CIAO2B: variants seen among roughly 807,000 people sequenced by gnomAD.
CIAO2B encodes cytosolic iron-sulfur assembly component 2B, also known as MSS19-interacting protein of 18 kDa.
In CIAO2B, 20 loss-of-function variants were observed where a neutral mutation model predicts 16.4. The ratio of observed to expected loss-of-function variants is 1.22; its 90% CI spans 0.86 to 1.77. CIAO2B has a LOEUF of 1.77. CIAO2B is among the 40% of genes most tolerant of loss of function. The pLI is 0.00. For synonymous variants in CIAO2B, 106 were observed against 90.4 expected (o/e 1.17, Z -0.98); for missense variants, 215 against 222.4 (o/e 0.97, Z 0.21).
Position 66,933,716 on chromosome 16 carries a change from C to G in CIAO2B, c.246G>C (p.Val82=). Residue 82 remains valine (V), a synonymous_variant, in exon 3 of 5, where the codon GTG becomes GTC. Transcript: ENST00000422424. ...RVQVSDPEST[V]AVAFTPTIPH... ...GAATGGTTGGTGTGAAAGCCACAGC[C>G]ACTGTACTCTCGGGGTCGCTAACCT... The G allele has an allele frequency of 6.4e-7, 1 of 1,572,930 alleles. No individual in the cohort carries two copies. The highest frequency in any genetic ancestry group is 8.6e-7 in the Non-Finnish European group (1 of 1,158,972).
intron 4 of CIAO2B, 132 bp from the exon 5 acceptor site, chr16:66,932,432 T>C: frequency 1.3e-6 from 1 of 769,530 alleles, no homozygotes; most frequent in Non-Finnish European, 2.3e-6. Flanking sequence ...GTCACCTCCT[T>C]CCCAGGACCC....
In CIAO2B at chr16:66,934,317, G is replaced by A. The variant is rs759405706; in HGVS notation, c.48C>T (p.Asn16=). The A allele has an allele frequency of 3.1e-6, 5 of 1,602,872 alleles. 1 individual carries two copies. The highest frequency in any genetic ancestry group is 4.5e-5 in the East Asian group (2 of 44,670). Residue 16 remains asparagine, a synonymous_variant, in exon 1 of 5, where the codon AAC becomes AAT. Coordinates refer to ENST00000422424, the MANE Select transcript of CIAO2B (RefSeq NM_016062.4). This position sits in a 1 kb window ranked among gnomAD's most constrained non-coding sequence, Gnocchi z 4.1. ...CCCCAGAGCGCTGGTAGATGAGGGGGTTGGCATTCTCCAGGAGGCCGCCGC... is the reference window on the plus strand; with the variant it reads ...CCCCAGAGCGCTGGTAGATGAGGGGATTGGCATTCTCCAGGAGGCCGCCGC... ...GVGGGLLENA[N]PLIYQRSGER... is the part of the protein sequence containing the mutation.
Position 66,932,094 on chromosome 16 carries a change from C to A in CIAO2B, c.*109G>T. On this transcript the variant is annotated 3_prime_UTR_variant, in exon 5 of 5. Transcript: ENST00000422424. ...TATAAATTAACTTTATTACAAAAAG[C>A]AAAATGTTAGTTTCTCATTGTGAGT... is the stretch of plus-strand genomic sequence containing the variant. 1.3e-6 allele frequency: 1 copy of A among 763,266 alleles called. No homozygotes were observed. The allele number at this position is 763,266 out of a possible 1,614,324, so 47.3% of individuals were successfully genotyped here.
Position 66,934,235 on chromosome 16 carries a change from G to A in CIAO2B, c.130C>T (p.Arg44Cys), listed in dbSNP as rs1389617944. 2.5e-6 allele frequency: 4 copies of A among 1,609,818 alleles called. No individual in the cohort carries two copies. In the South Asian group the frequency reaches 4.4e-5, roughly 18 times the overall value. The change falls in exon 1 of 5, where the codon CGC becomes TGC. Residue 44 changes from arginine (R) to cysteine (C), a missense_variant. Arg to Cys is a radical substitution (Grantham distance 180, BLOSUM62 -3). Transcript: ENST00000422424. The surrounding 1 kb of genome is among the most constrained non-coding windows in gnomAD (Gnocchi z 4.1). ...DEQVPDSIDA[R>C]EIFDLIRSIN... is the part of the protein sequence containing the mutation. ...CAGCGGCGGATATCGAAGATCTCGC[G>A]TGCGTCGATGCTGTCGGGAACCTGC...
In CIAO2B at chr16:66,934,377, A is replaced by G. The variant is rs1193175335; in HGVS notation, c.-13T>C. 1.1e-5 allele frequency: 17 copies of G among 1,530,318 alleles called. No homozygotes were observed. Among genetic ancestry groups the G allele is most frequent in the Admixed American group, 4.1e-5 (2 of 48,858 alleles). 94.8% of individuals were successfully genotyped at this position (1,530,318 alleles called of 1,614,324 possible). On this transcript the variant is annotated 5_prime_UTR_variant, in exon 1 of 5. Coordinates refer to ENST00000422424, the MANE Select transcript of CIAO2B (RefSeq NM_016062.4). The surrounding 1 kb of genome is among the most constrained non-coding windows in gnomAD (Gnocchi z 4.1). ...CGCCGCCTACCATCGCGGAACCACC[A>G]CCGCTGATCCTAGCAGGCGTGCGCT...
intron 3 of CIAO2B, 111 bp from the exon 4 acceptor site, chr16:66,932,936 C>T (rs1454825734): frequency 1.7e-6 from 2 of 1,193,056 alleles, no homozygotes; most frequent in South Asian, 1.4e-5. Context: ...CCTAATCATG[C>T]CTTTGGACTC....
chr16:66,933,651 T>G lies in CIAO2B; in HGVS notation c.311A>C (p.Lys104Thr). The G allele has an allele frequency of 6.2e-7, 1 of 1,608,142 alleles. No individual in the cohort carries two copies. The highest frequency in any genetic ancestry group is 8.5e-7 in the Non-Finnish European group (1 of 1,177,392). Residue 104 changes from lysine to threonine, a missense_variant, in exon 3 of 5, where the codon AAG (lysine) becomes ACG (threonine). Transcript: ENST00000422424. ...SMATLIGLSI[K>T]VKLLRSLPQR... ...AGGAAGGGAGCGCAGAAGCTTGACC[T>G]TGATGGACAGACCAATAAGGGTGGC...
At chr16:66,932,330 A>T (rs1393972133) in intron 4 of CIAO2B, 30 bp from the exon 5 acceptor site, 1 of 1,586,968 alleles carries the variant, frequency 6.3e-7, no homozygotes, top group Admixed American at 1.7e-5. Context: ...TGGGGAAGGC[A>T]GAGTCAAAGC....
At position 66,933,101 on chromosome 16, in the gene CIAO2B, T is replaced by G. The variant is rs914263375; in HGVS notation, c.349-276A>C. Among the ~76,000 whole-genome samples the G allele has an allele frequency of 2.0e-5, 3 of 151,916 alleles. No individual in the cohort carries two copies. In the East Asian group the frequency reaches 5.8e-4, roughly 29 times the overall value. ...CTCCCAGGTTCAATTTGATTCTCCTTCCTCAGCCACCCGTGTAGCTGGGAC... is the reference window on the plus strand; with the variant it reads ...CTCCCAGGTTCAATTTGATTCTCCTGCCTCAGCCACCCGTGTAGCTGGGAC... On this transcript the variant is annotated intron_variant, in intron 3 of 4. Coordinates refer to ENST00000422424, the MANE Select transcript of CIAO2B (RefSeq NM_016062.4).
chr16:66,933,265 A>C (rs1963097417), intron 3 of CIAO2B, among the ~76,000 whole-genome samples: 1 of 152,210 alleles, frequency 6.6e-6, no homozygotes, highest in Admixed American at 6.5e-5. Context: ...CTGGGATTAC[A>C]GGCGTGAGCC....
At chr16:66,932,905 C>G in intron 3 of CIAO2B, 80 bp from the exon 4 acceptor site, 2 of 1,472,122 alleles carry the variant, frequency 1.4e-6, no homozygotes, top group Non-Finnish European at 1.9e-6. Context: ...CCTCAGGCAC[C>G]ATCTCCAGCT....
Position 66,934,020 on chromosome 16 carries a change from C to T in CIAO2B, c.189G>A (p.Glu63=), listed in dbSNP as rs779975413. The part of the protein sequence containing the change: ...INDPEHPLTL[E]ELNVVEQVRV... ...GCACCTGCTCTACTACGTTCAACTC[C>T]TCTAGCGTCAGTGGATGCTCCGGGT... Residue 63 remains glutamate, a synonymous_variant, in exon 2 of 5, where the codon GAG becomes GAA. Coordinates refer to ENST00000422424, the MANE Select transcript of CIAO2B (RefSeq NM_016062.4). The surrounding 1 kb of genome is among the most constrained non-coding windows in gnomAD (Gnocchi z 4.1). 1.2e-6 allele frequency: 2 copies of T among 1,613,834 alleles called. No homozygotes were observed. Among genetic ancestry groups the T allele is most frequent in the Non-Finnish European group, 1.7e-6 (2 of 1,179,874 alleles).
chr16:66,933,444 A>C, intron 3 of CIAO2B, 170 bp downstream of exon 3: 1 of 908,282 alleles, frequency 1.1e-6, no homozygotes. Context: ...TCAGATCTTT[A>C]TTCTTGTCAC....
At chr16:66,933,560 C>T in intron 3 of CIAO2B, 54 bp downstream of exon 3, 3 of 1,589,428 alleles carry the variant, frequency 1.9e-6, no homozygotes, top group Non-Finnish European at 2.6e-6. Flanking sequence ...TCCCCATCCT[C>T]AGCAGTAGAC....
At position 66,934,392 on chromosome 16, in the gene CIAO2B, A is replaced by T. The variant is rs1340795405; in HGVS notation, c.-28T>A. 4.0e-6 allele frequency: 6 copies of T among 1,494,440 alleles called. No individual in the cohort carries two copies. The African/African-American group carries it at 7.0e-5, about 17-fold the overall frequency. 92.6% of individuals were successfully genotyped at this position (1,494,440 alleles called of 1,614,324 possible). A position where few individuals can be genotyped will look rare whatever the true frequency, so the allele number is the denominator to read the frequency against. On this transcript the variant is annotated 5_prime_UTR_variant, in exon 1 of 5. Transcript: ENST00000422424. This position sits in a 1 kb window ranked among gnomAD's most constrained non-coding sequence, Gnocchi z 4.1. ...CGGAACCACCACCGCTGATCCTAGC[A>T]GGCGTGCGCTTCCGCTCCAACCCGC...
At chr16:66,933,581 T>C (rs1203745814) in intron 3 of CIAO2B, 33 bp downstream of exon 3, 3 of 1,603,936 alleles carry the variant, frequency 1.9e-6, no homozygotes, top group Non-Finnish European at 2.6e-6. Flanking sequence ...CCTCAATGCC[T>C]GGTCTCACTC....
Position 66,932,136 on chromosome 16 carries a change from G to C in CIAO2B, c.*67C>G, listed in dbSNP as rs990035893. On this transcript the variant is annotated 3_prime_UTR_variant, in exon 5 of 5. Transcript: ENST00000422424. Reference sequence around the variant, plus strand: ...ATTGTGAGTGATTCAAGAAAACAACGGTAACAGCCCTGGCAGGAGCTGGGA... The same window carrying C: ...ATTGTGAGTGATTCAAGAAAACAACCGTAACAGCCCTGGCAGGAGCTGGGA... 1 of 1,228,366 alleles carries C rather than the reference G, an allele frequency of 8.1e-7. No homozygotes were observed. Among genetic ancestry groups the C allele is most frequent in the Non-Finnish European group, 1.1e-6 (1 of 872,294 alleles). The allele number at this position is 1,228,366 out of a possible 1,614,324, so 76.1% of individuals were successfully genotyped here.
At chr16:66,933,941 C>T (rs1385957397) in intron 2 of CIAO2B, 46 bp downstream of exon 2, 3 of 1,608,512 alleles carry the variant, frequency 1.9e-6, no homozygotes, top group East Asian at 2.2e-5. Context: ...GCACAGAAAC[C>T]TTTCTGACTC....
intron 3 of CIAO2B, 71 bp from the exon 4 acceptor site, chr16:66,932,896 C>A (rs3890213): frequency 6.5e-7 from 1 of 1,532,460 alleles, no homozygotes; most frequent in African/African-American, 1.4e-5. Flanking sequence ...CCCCCAGACC[C>A]TCAGGCACCA....
Sources: allele counts gnomAD v4.1 joint callset (sites outside exome capture counted in the v4.1 genomes callset), GRCh38; gene constraint gnomAD v4.1.1; non-coding constraint Gnocchi (gnomAD v3.1); transcripts MANE v1.5; gene names NCBI Gene and HGNC (gene_info 2026-07-23, HGNC 2026-07-21).